ST3GAL3: variants seen among roughly 807,000 people sequenced by gnomAD.
ST3GAL3 encodes ST3 beta-galactoside alpha-2,3-sialyltransferase 3, also known as CMP-N-acetylneuraminate-beta-1,4-galactoside alpha-2,3-sialyltransferase.
Under a neutral mutation model 50.1 loss-of-function variants are expected in ST3GAL3, and 21 were observed. The observed-to-expected ratio is 0.42, with a 90% CI of 0.30 to 0.60. ST3GAL3 has a LOEUF of 0.60. Among genes scored for constraint, ST3GAL3 ranks in the 20% least tolerant of loss-of-function variants. The pLI, the probability that ST3GAL3 is intolerant of heterozygous loss-of-function variation, is 0.19. For synonymous variants in ST3GAL3, 183 were observed against 190.0 expected (o/e 0.96, Z 0.30); for missense variants, 353 against 489.4 (o/e 0.72, Z 2.63).
At chr1:43,880,847 G>A (rs536144108) in intron 5 of ST3GAL3, among the ~76,000 whole-genome samples, 6 of 152,284 alleles carry the variant, frequency 3.9e-5, no homozygotes, top group East Asian at 1.9e-4. Context: ...GATTAAATAC[G>A]AAAATGGAGA....
intron 1 of ST3GAL3, among the ~76,000 whole-genome samples, chr1:43,714,321 C>T (rs1666259527): frequency 6.7e-6 from 1 of 149,922 alleles, no homozygotes; most frequent in Non-Finnish European, 1.5e-5. Context: ...GGCGCAGTGG[C>T]TCATGCCTGT....
intron 2 of ST3GAL3, among the ~76,000 whole-genome samples, chr1:43,767,031 G>C (rs1436712979): frequency 6.6e-6 from 1 of 152,178 alleles, no homozygotes; most frequent in East Asian, 1.9e-4. Context: ...AGCAGCTGAT[G>C]AAAAGGAGAG....
intron 2 of ST3GAL3, among the ~76,000 whole-genome samples, chr1:43,790,421 G>A (rs1051995006): frequency 3.9e-5 from 6 of 152,116 alleles, no homozygotes; most frequent in African/African-American, 1.4e-4. Context: ...GTAAGTCTGT[G>A]GAATCTGATC....
At chr1:43,760,922 TA>T in intron 2 of ST3GAL3, among the ~76,000 whole-genome samples, 1 of 152,160 alleles carries the variant, frequency 6.6e-6, no homozygotes, top group Admixed American at 6.5e-5. Flanking sequence ...AATGCTACAA[TA>T]TGGATGAGCC....
intron 5 of ST3GAL3, among the ~76,000 whole-genome samples, chr1:43,861,066 C>T (rs1458308380): frequency 6.6e-6 from 1 of 152,206 alleles, no homozygotes; most frequent in Non-Finnish European, 1.5e-5. Context: ...CTCCTTCATG[C>T]TTTCTCAGCA....
At chr1:43,756,378 C>T (rs921988183) in intron 2 of ST3GAL3, among the ~76,000 whole-genome samples, 6 of 152,004 alleles carry the variant, frequency 3.9e-5, no homozygotes, top group African/African-American at 1.4e-4. Context: ...ATGTCCTTTA[C>T]CTTGATTGTG....
At chr1:43,863,363 G>A (rs2070483649) in intron 5 of ST3GAL3, among the ~76,000 whole-genome samples, 1 of 152,186 alleles carries the variant, frequency 6.6e-6, no homozygotes, top group African/African-American at 2.4e-5. Context: ...GCGGGCTGTG[G>A]CAAGAATGAG....
At chr1:43,852,151 G>A (rs2067453572) in intron 5 of ST3GAL3, among the ~76,000 whole-genome samples, 1 of 152,134 alleles carries the variant, frequency 6.6e-6, no homozygotes, top group Non-Finnish European at 1.5e-5. Flanking sequence ...TCTCTGGGAA[G>A]CCAGCCTGTT....
intron 5 of ST3GAL3, among the ~76,000 whole-genome samples, chr1:43,885,548 G>T (rs1054300241): frequency 3.0e-4 from 45 of 151,880 alleles, no homozygotes; most frequent in Non-Finnish European, 1.8e-4. Context: ...CCACACCCCC[G>T]CTAGTCTGAC....
intron 5 of ST3GAL3, chr1:43,850,263 G>T: frequency 2.2e-6 from 1 of 459,420 alleles, no homozygotes; most frequent in Non-Finnish European, 4.2e-6. Flanking sequence ...AGCTTCCTCT[G>T]TGGCACCAGG....
chr1:43,877,141 T>C (rs1366761124), intron 5 of ST3GAL3, among the ~76,000 whole-genome samples: 1 of 152,148 alleles, frequency 6.6e-6, no homozygotes, highest in Non-Finnish European at 1.5e-5. Context: ...CCCTACAGCC[T>C]CACCCAAGGT....
At chr1:43,870,149 C>T (rs2072312830) in intron 5 of ST3GAL3, among the ~76,000 whole-genome samples, 1 of 152,222 alleles carries the variant, frequency 6.6e-6, no homozygotes, top group East Asian at 1.9e-4. Context: ...AAACTCTAAA[C>T]CTCAGTGTCT....
chr1:43,714,781 A>C (rs993761460), intron 1 of ST3GAL3, among the ~76,000 whole-genome samples: 9 of 152,132 alleles, frequency 5.9e-5, no homozygotes, highest in African/African-American at 1.9e-4. Context: ...CTTCCCCCTG[A>C]AATTTTGCTC....
At chr1:43,740,801 A>G (rs1293063014) in intron 2 of ST3GAL3, among the ~76,000 whole-genome samples, 1 of 151,448 alleles carries the variant, frequency 6.6e-6, no homozygotes, top group African/African-American at 2.4e-5. Flanking sequence ...GGGCAACAGC[A>G]TGAAACCTTG....
Position 43,886,842 on chromosome 1 carries a change from ATTTG to A in ST3GAL3, c.303-7517_303-7514del, listed in dbSNP as rs146758567. On this transcript the variant is annotated intron_variant, in intron 5 of 11. Transcript: ENST00000347631. ...GTACATGGCCAGGACGCTTTGTCGA[ATTTG>A]TTTGTTTGTTTGTTTGTTTGTTTTC... is the stretch of plus-strand genomic sequence containing the variant. 4.0e-3 allele frequency among the ~76,000 whole-genome samples: 611 copies of A among 152,218 alleles called. 4 individuals are homozygous for A. The highest frequency in any genetic ancestry group is 0.014 in the Middle Eastern group (4 of 294).
intron 2 of ST3GAL3, among the ~76,000 whole-genome samples, chr1:43,762,932 A>C (rs2154123117): frequency 6.6e-6 from 1 of 152,292 alleles, no homozygotes; most frequent in Non-Finnish European, 1.5e-5. Flanking sequence ...CCAGACAGAT[A>C]GGAGGGAAAA....
chr1:43,930,863 C>T lies in ST3GAL3; in HGVS notation c.*642C>T, dbSNP rs112347682. 2.7e-3 allele frequency: 456 copies of T among 166,494 alleles called. 2 individuals are homozygous for T. The highest frequency in any genetic ancestry group is 0.01 in the African/African-American group (437 of 41,874). The allele number at this position is 166,494 out of a possible 1,614,324, so 10.3% of individuals were successfully genotyped here. A position where few individuals can be genotyped will look rare whatever the true frequency, so the allele number is the denominator to read the frequency against. ...TGGGGAAACCCTGGAGCCATCCCTT[C>T]GGAGCCAACAAGACCGCCCCAGGGC... On this transcript the variant is annotated 3_prime_UTR_variant, in exon 12 of 12. Transcript: ENST00000347631.
At chr1:43,838,335 C>CT in intron 5 of ST3GAL3, 24 bp downstream of exon 5, 1 of 1,604,860 alleles carries the variant, frequency 6.2e-7, no homozygotes, top group Non-Finnish European at 8.5e-7. Flanking sequence ...TTTCCCTCCA[C>CT]TGCCTAGACA....
chr1:43,896,520 T>C (rs745949510), intron 6 of ST3GAL3, among the ~76,000 whole-genome samples: 4 of 152,220 alleles, frequency 2.6e-5, no homozygotes, highest in Non-Finnish European at 4.4e-5. Flanking sequence ...TGCATTATCC[T>C]GGCTTCAGTG....
Sources: allele counts gnomAD v4.1 joint callset (sites outside exome capture counted in the v4.1 genomes callset), GRCh38; gene constraint gnomAD v4.1.1; transcripts MANE v1.5; gene names NCBI Gene and HGNC (gene_info 2026-07-23, HGNC 2026-07-21).